The following NGLY1 variants were observed in gnomAD, a reference collection of about 807,000 sequenced individuals.
NGLY1 encodes the protein peptide-N(4)-(N-acetyl-beta-glucosaminyl)asparagine amidase.
In NGLY1, 68 loss-of-function variants were observed where a neutral mutation model predicts 84.6. The ratio of observed to expected loss-of-function variants is 0.80; its 90% CI spans 0.66 to 0.98. The LOEUF is 0.98. NGLY1 is among the 50% of genes least tolerant of loss of function. The pLI, the probability that NGLY1 is intolerant of heterozygous loss-of-function variation, is 0.00. For synonymous variants in NGLY1, 280 were observed against 275.2 expected (o/e 1.02, Z -0.17); for missense variants, 779 against 770.2 (o/e 1.01, Z -0.14).
Position 25,720,048 on chromosome 3 carries a change from C to T in NGLY1, c.1755G>A (p.Leu585=). The T allele has an allele frequency of 6.2e-7, 1 of 1,613,580 alleles. No homozygotes were observed. The highest frequency in any genetic ancestry group is 8.5e-7 in the Non-Finnish European group (1 of 1,179,712). The change falls in exon 11 of 12, where the codon TTG becomes TTA. Residue 585 remains leucine, a synonymous_variant. Coordinates refer to ENST00000280700, the MANE Select transcript of NGLY1 (RefSeq NM_018297.4). The stretch of plus-strand genomic sequence containing the variant: ...GTTCTACTTGTGCTGTATCAGATCG[C>T]AATTTCCATTCTACTGTTCCAGTCT... ...TFQTGTVEWK[L]RSDTAQVELT...
chr3:25,751,700 CCA>C (rs1241270886), intron 3 of NGLY1, among the ~76,000 whole-genome samples: 1 of 152,104 alleles, frequency 6.6e-6, no homozygotes, highest in Non-Finnish European at 1.5e-5. Context: ...GAAGAAACCT[CCA>C]GAGAGGATGG....
intron 6 of NGLY1, chr3:25,737,097 G>GA (rs1705866405): frequency 8.4e-6 from 3 of 356,284 alleles, no homozygotes; most frequent in Non-Finnish European, 1.5e-5. Flanking sequence ...AAATAAAGGG[G>GA]AAAAAAAGGA....
intron 3 of NGLY1, chr3:25,755,531 A>T: frequency 7.0e-7 from 1 of 1,424,396 alleles, no homozygotes; most frequent in Non-Finnish European, 9.9e-7. Context: ...CAATAACTGC[A>T]GTTCAAAATG....
At chr3:25,735,607 T>C (rs937855191) in intron 7 of NGLY1, 3 of 154,706 alleles carry the variant, frequency 1.9e-5, no homozygotes, top group African/African-American at 7.2e-5. Context: ...CACAACCACG[T>C]TGGAAAATAG....
chr3:25,785,440 A>G (rs139751058), upstream of NGLY1, among the ~76,000 whole-genome samples: 239 of 151,938 alleles, frequency 1.6e-3, no homozygotes, highest in African/African-American at 5.6e-3. Context: ...TTTTCCATTG[A>G]TACATTTATT....
upstream of NGLY1, among the ~76,000 whole-genome samples, chr3:25,784,953 G>A (rs758724760): frequency 6.6e-6 from 1 of 152,000 alleles, no homozygotes; most frequent in African/African-American, 2.4e-5. Flanking sequence ...CTTAGAACAG[G>A]GGTCAAGAAA....
At chr3:25,731,804 G>A (rs1174774517) in intron 9 of NGLY1, among the ~76,000 whole-genome samples, 1 of 151,994 alleles carries the variant, frequency 6.6e-6, no homozygotes, top group Non-Finnish European at 1.5e-5. Flanking sequence ...CACAAAACAA[G>A]CTATATACAA....
chr3:25,762,312 T>A (rs147186968), intron 3 of NGLY1, among the ~76,000 whole-genome samples: 1 of 152,182 alleles, frequency 6.6e-6, no homozygotes, highest in Non-Finnish European at 1.5e-5. Flanking sequence ...TCAAATTCTG[T>A]AGTATAGCAA....
chr3:25,764,147 T>C lies in NGLY1; in HGVS notation c.411A>G (p.Thr137=), dbSNP rs772280206. 5.6e-6 allele frequency: 9 copies of C among 1,614,054 alleles called. No homozygotes were observed. Residue 137 remains threonine (T), a synonymous_variant, in exon 3 of 12, where the codon ACA becomes ACG. Coordinates refer to ENST00000280700, the MANE Select transcript of NGLY1 (RefSeq NM_018297.4). The stretch of plus-strand genomic sequence containing the variant: ...TTAACCCACTGGGATTTGAAGATGG[T>C]GTTGTAGGAAGCTGGGTACTGGCTG... ...QPAASTQLPT[T]PSSNPSGLNQ... is the part of the protein sequence containing the mutation.
chr3:25,723,802 T>C (rs1705125614), intron 10 of NGLY1, among the ~76,000 whole-genome samples: 1 of 152,190 alleles, frequency 6.6e-6, no homozygotes, highest in South Asian at 2.1e-4. Flanking sequence ...TTTTGTAATG[T>C]GTAGGTCTCT....
intron 10 of NGLY1, among the ~76,000 whole-genome samples, chr3:25,724,174 A>G (rs964018280): frequency 6.6e-6 from 1 of 152,218 alleles, no homozygotes; most frequent in Non-Finnish European, 1.5e-5. Context: ...TCAGGCTGCT[A>G]TGGCTCCCTA....
chr3:25,758,888 T>C (rs1707171346), intron 3 of NGLY1, among the ~76,000 whole-genome samples: 1 of 152,180 alleles, frequency 6.6e-6, no homozygotes, highest in African/African-American at 2.4e-5. Context: ...GTTTCTAAGA[T>C]AGGAGAGCTT....
chr3:25,736,701 CAT>C (rs1705842044), intron 6 of NGLY1: 2 of 242,088 alleles, frequency 8.3e-6, no homozygotes, highest in African/African-American at 4.5e-5. Flanking sequence ...ACAAATATCA[CAT>C]GACTTTTATT....
chr3:25,724,128 G>T (rs1371897413), intron 10 of NGLY1, among the ~76,000 whole-genome samples: 1 of 152,216 alleles, frequency 6.6e-6, no homozygotes, highest in Admixed American at 6.5e-5. Context: ...ATATTCTACA[G>T]AAGATTTTGC....
chr3:25,773,560 C>A (rs1269164646), intron 2 of NGLY1, among the ~76,000 whole-genome samples: 1 of 151,808 alleles, frequency 6.6e-6, no homozygotes, highest in Non-Finnish European at 1.5e-5. Flanking sequence ...TCTTTAAGTT[C>A]TCTGGTGTCT....
At chr3:25,785,288 T>TA (rs987905708), upstream of NGLY1, among the ~76,000 whole-genome samples, 32 of 148,446 alleles carry the variant, frequency 2.2e-4, no homozygotes, top group East Asian at 5.9e-4. Flanking sequence ...TTACAAAAAA[T>TA]AAAAAAAAAA....
At chr3:25,769,222 A>G (rs1416045606) in intron 2 of NGLY1, among the ~76,000 whole-genome samples, 1 of 152,112 alleles carries the variant, frequency 6.6e-6, no homozygotes, top group African/African-American at 2.4e-5. Flanking sequence ...TTAGCCGGGC[A>G]TGATGGCGTG....
chr3:25,742,458 C>T (rs1475630965), intron 4 of NGLY1, among the ~76,000 whole-genome samples: 1 of 152,000 alleles, frequency 6.6e-6, no homozygotes, highest in Non-Finnish European at 1.5e-5. Flanking sequence ...TAAATAAACC[C>T]CACACAACTT....
chr3:25,770,121 C>CT (rs1707820219), intron 2 of NGLY1, among the ~76,000 whole-genome samples: 1 of 152,102 alleles, frequency 6.6e-6, no homozygotes, highest in South Asian at 2.1e-4. Context: ...TTATTTCATT[C>CT]TTTTTTTATA....
Sources: allele counts gnomAD v4.1 joint callset (sites outside exome capture counted in the v4.1 genomes callset), GRCh38; gene constraint gnomAD v4.1.1; transcripts MANE v1.5; gene names NCBI Gene and HGNC (gene_info 2026-07-23, HGNC 2026-07-21).